Variants in ARL13B observed in about 807,000 individuals in gnomAD.
ARL13B encodes the protein ADP-ribosylation factor-like protein 13B.
In ARL13B, 36 loss-of-function variants were observed where a neutral mutation model predicts 56.1. The ratio of observed to expected loss-of-function variants is 0.64; its 90% CI spans 0.49 to 0.85. The LOEUF is 0.85. Among genes scored for constraint, ARL13B ranks in the 40% least tolerant of loss-of-function variants. The pLI is 0.00. For missense variants in ARL13B, 519 were observed against 507.1 expected (o/e 1.02, Z -0.23); for synonymous variants, 178 against 171.1 (o/e 1.04, Z -0.32).
chr3:94,049,923 C>G (rs976460307), intron 8 of ARL13B, among the ~76,000 whole-genome samples: 2 of 148,608 alleles, frequency 1.3e-5, no homozygotes, highest in African/African-American at 5.0e-5. Flanking sequence ...GAGGCCGAGG[C>G]GGGCAGATAA....
chr3:94,025,842 G>A (rs746685370), intron 3 of ARL13B, among the ~76,000 whole-genome samples: 3 of 152,036 alleles, frequency 2.0e-5, no homozygotes, highest in African/African-American at 7.2e-5. Context: ...AGATTATGTT[G>A]TATTATTCCT....
chr3:94,019,360 C>T (rs2076400599), intron 3 of ARL13B, among the ~76,000 whole-genome samples: 1 of 151,978 alleles, frequency 6.6e-6, no homozygotes, highest in South Asian at 2.1e-4. Context: ...CCATGCCTGG[C>T]TAATTTTTGT....
intron 3 of ARL13B, among the ~76,000 whole-genome samples, chr3:94,031,874 T>C (rs181095147): frequency 1.8e-4 from 27 of 152,258 alleles, no homozygotes; most frequent in Admixed American, 1.7e-3. Flanking sequence ...TCAATTGCCA[T>C]ATGCAGAAGA....
intron 1 of ARL13B, among the ~76,000 whole-genome samples, chr3:93,981,767 C>T (rs1335529755): frequency 7.0e-6 from 1 of 143,884 alleles, no homozygotes; most frequent in African/African-American, 2.6e-5. Flanking sequence ...CAAGCTACTT[C>T]GGAGGCTGAA....
intron 1 of ARL13B, among the ~76,000 whole-genome samples, chr3:93,987,251 C>T (rs761284173): frequency 4.3e-4 from 65 of 151,940 alleles, no homozygotes; most frequent in Non-Finnish European, 5.6e-4. Context: ...TCTTGGCCTC[C>T]CAAAGTACTG....
chr3:94,040,788 T>A (rs1442128346), intron 6 of ARL13B, among the ~76,000 whole-genome samples: 1 of 152,100 alleles, frequency 6.6e-6, no homozygotes, highest in Non-Finnish European at 1.5e-5. Context: ...AAGTTGTACT[T>A]TTTACTTTGA....
chr3:94,007,044 C>G (rs1160868853), intron 3 of ARL13B, among the ~76,000 whole-genome samples: 1 of 152,060 alleles, frequency 6.6e-6, no homozygotes, highest in Non-Finnish European at 1.5e-5. Flanking sequence ...CACTCATATG[C>G]CAAATATTTA....
intron 1 of ARL13B, 41 bp from the exon 2 acceptor site, chr3:93,995,833 A>G: frequency 1.3e-6 from 2 of 1,547,828 alleles, no homozygotes; most frequent in Non-Finnish European, 1.8e-6. Flanking sequence ...TCAATACTAA[A>G]TTAACAAAGA....
At chr3:94,005,849 A>G (rs1478342802) in intron 3 of ARL13B, among the ~76,000 whole-genome samples, 6 of 152,156 alleles carry the variant, frequency 3.9e-5, no homozygotes, top group Non-Finnish European at 7.4e-5. Context: ...GGTTTTTTGT[A>G]TATTTTTTTT....
At chr3:94,020,199 G>A (rs2076418684) in intron 3 of ARL13B, among the ~76,000 whole-genome samples, 1 of 152,100 alleles carries the variant, frequency 6.6e-6, no homozygotes, top group Non-Finnish European at 1.5e-5. Context: ...ACCTTGATGA[G>A]TCTTATATTT....
intron 5 of ARL13B, among the ~76,000 whole-genome samples, chr3:94,038,107 T>C (rs1424205514): frequency 6.6e-6 from 1 of 152,204 alleles, no homozygotes; most frequent in African/African-American, 2.4e-5. Flanking sequence ...CAGTAAAACA[T>C]GCCAAGTAAA....
intron 5 of ARL13B, among the ~76,000 whole-genome samples, 161 bp downstream of exon 5, chr3:94,036,915 G>A (rs1027889052): frequency 2.0e-5 from 3 of 152,082 alleles, no homozygotes; most frequent in Non-Finnish European, 4.4e-5. Context: ...GTACAAGTTT[G>A]GGTGGTAGAT....
intron 1 of ARL13B, among the ~76,000 whole-genome samples, chr3:93,990,019 G>C (rs1210322583): frequency 6.6e-6 from 1 of 151,432 alleles, no homozygotes; most frequent in Non-Finnish European, 1.5e-5. Context: ...GTTTTGTTTT[G>C]TTTGAGACGA....
At position 94,055,082 on chromosome 3, in the gene ARL13B, TATA is replaced by T. The variant is rs1476788848; in HGVS notation, c.*1823_*1825del. ...AAAAATAAATGATTTTGAAATTAAATATAATATAGAATTCACATTTTATATAGC... is the reference window on the plus strand; with the variant it reads ...AAAAATAAATGATTTTGAAATTAAATATATAGAATTCACATTTTATATAGC... On this transcript the variant is annotated 3_prime_UTR_variant, in exon 10 of 10. Coordinates refer to ENST00000394222, the MANE Select transcript of ARL13B (RefSeq NM_001174150.2). The T allele has an allele frequency of 8.2e-6, 3 of 367,438 alleles. No individual in the cohort carries two copies. Among genetic ancestry groups the T allele is most frequent in the African/African-American group, 2.2e-5 (1 of 46,320 alleles). The allele number at this position is 367,438 out of a possible 1,614,324, so 22.8% of individuals were successfully genotyped here. A position where few individuals can be genotyped will look rare whatever the true frequency, so the allele number is the denominator to read the frequency against.
chr3:94,041,801 A>T (rs936517826), intron 6 of ARL13B, among the ~76,000 whole-genome samples: 14 of 152,144 alleles, frequency 9.2e-5, no homozygotes, highest in African/African-American at 3.4e-4. Context: ...GTGGCCAGGC[A>T]CGGTGGCTCA....
intron 5 of ARL13B, among the ~76,000 whole-genome samples, chr3:94,039,596 A>G (rs1170148000): frequency 6.6e-6 from 1 of 152,136 alleles, no homozygotes; most frequent in African/African-American, 2.4e-5. Flanking sequence ...TTGATCAGTA[A>G]TACCCTTGGC....
chr3:94,015,085 T>G, intron 3 of ARL13B: 1 of 1,613,876 alleles, frequency 6.2e-7, no homozygotes. Context: ...TGCCAAATTG[T>G]TAATACTTTC....
chr3:93,989,129 A>G (rs1042745332), intron 1 of ARL13B, among the ~76,000 whole-genome samples: 1 of 152,234 alleles, frequency 6.6e-6, no homozygotes, highest in Non-Finnish European at 1.5e-5. Flanking sequence ...AAGCTTTTTC[A>G]GAAAACTTCA....
Position 94,055,110 on chromosome 3 carries a change from C to T in ARL13B, c.*1847C>T. On this transcript the variant is annotated 3_prime_UTR_variant, in exon 10 of 10. Coordinates refer to ENST00000394222, the MANE Select transcript of ARL13B (RefSeq NM_001174150.2). ...AATATAGAATTCACATTTTATATAG[C>T]TCTCTCAAAAATTAATTTTTATTCC... The T allele has an allele frequency of 2.7e-6, 1 of 366,190 alleles. No homozygotes were observed. Among genetic ancestry groups the T allele is most frequent in the Non-Finnish European group, 5.2e-6 (1 of 192,194 alleles). The allele number at this position is 366,190 out of a possible 1,614,324, so 22.7% of individuals were successfully genotyped here. A position where few individuals can be genotyped will look rare whatever the true frequency, so the allele number is the denominator to read the frequency against.
Sources: gnomAD v4.1 joint callset for allele counts (sites outside exome capture counted in the v4.1 genomes callset) on GRCh38, gnomAD v4.1.1 for gene constraint, MANE v1.5 for transcripts, NCBI Gene and HGNC (gene_info 2026-07-23, HGNC 2026-07-21) for gene names.